RCAN1: variants seen among roughly 807,000 people sequenced by gnomAD.
RCAN1 encodes calcipressin-1.
RCAN1 carries 11 observed loss-of-function variants against 22.9 expected under a neutral mutation model. That is an observed-to-expected ratio of 0.48 (90% confidence interval 0.30 to 0.79). The LOEUF is 0.79. Among genes scored for constraint, RCAN1 ranks in the 30% least tolerant of loss-of-function variants. The pLI is 0.06. For synonymous variants in RCAN1, 136 were observed against 142.3 expected (o/e 0.96, Z 0.32); for missense variants, 291 against 337.8 (o/e 0.86, Z 1.09).
chr21:34,583,560 C>T (rs1789970272), intron 1 of RCAN1, among the ~76,000 whole-genome samples: 3 of 152,108 alleles, frequency 2.0e-5, no homozygotes, highest in African/African-American at 7.2e-5. Context: ...TAGGCATGTG[C>T]GTGCACAGAG....
Position 34,526,644 on chromosome 21 carries a change from G to A in RCAN1, c.253-2934C>T, listed in dbSNP as rs147745471. On this transcript the variant is annotated intron_variant, in intron 1 of 3. Coordinates refer to ENST00000313806, the MANE Select transcript of RCAN1 (RefSeq NM_004414.7). ...TGCTTTGAAAACTAAAGAAAATCAC[G>A]TTATATTAGAAGCCTTACCCTGGTT... 9.1e-4 allele frequency: 1,458 copies of A among 1,606,104 alleles called. 2 individuals carry two copies. Among genetic ancestry groups the A allele is most frequent in the African/African-American group, 6.3e-3 (469 of 74,528 alleles).
intron 1 of RCAN1, among the ~76,000 whole-genome samples, chr21:34,565,812 T>C (rs923001937): frequency 1.6e-4 from 25 of 152,216 alleles, no homozygotes; most frequent in African/African-American, 5.5e-4. Flanking sequence ...AGAGCTGGTA[T>C]ACCTTGTGAT....
At chr21:34,587,681 T>C (rs1987845825) in intron 1 of RCAN1, among the ~76,000 whole-genome samples, 1 of 152,170 alleles carries the variant, frequency 6.6e-6, no homozygotes, top group East Asian at 1.9e-4. Context: ...AAAAGTCAAA[T>C]GGAAATGTGA....
chr21:34,589,395 C>T (rs1353052248), intron 1 of RCAN1, among the ~76,000 whole-genome samples: 2 of 152,076 alleles, frequency 1.3e-5, no homozygotes, highest in Non-Finnish European at 2.9e-5. Flanking sequence ...ACTATCTTTA[C>T]AGGATTGGTA....
At chr21:34,530,626 T>TTTG (rs1555856754) in intron 1 of RCAN1, among the ~76,000 whole-genome samples, 7 of 127,634 alleles carry the variant, frequency 5.5e-5, no homozygotes, top group African/African-American at 2.2e-4. Context: ...GTTTTTTTTT[T>TTTG]TTTTTTTTTT....
chr21:34,524,946 G>C, intron 1 of RCAN1: 1 of 1,394,836 alleles, frequency 7.2e-7, no homozygotes, highest in Non-Finnish European at 9.5e-7. Context: ...CTAGTCGCCG[G>C]GTTTTGTGAA....
chr21:34,584,417 T>TAA (rs3216563), intron 1 of RCAN1, among the ~76,000 whole-genome samples: 2 of 150,432 alleles, frequency 1.3e-5, no homozygotes, highest in East Asian at 3.9e-4. Flanking sequence ...TCACCATGGT[T>TAA]AAAAAAAAAA....
chr21:34,614,305 G>A lies in RCAN1; in HGVS notation c.252+455C>T. On this transcript the variant is annotated intron_variant, in intron 1 of 3. Transcript: ENST00000313806. This position sits in a 1 kb window ranked among gnomAD's most constrained non-coding sequence, Gnocchi z 6.0. ...AAACATTGGCTTTTCTTCCAATAGT[G>A]CAGATTGGGAATGCAGGGACGTCGT... The A allele has an allele frequency of 1.0e-6, 1 of 990,898 alleles. No homozygotes were observed. The highest frequency in any genetic ancestry group is 1.2e-6 in the Non-Finnish European group (1 of 833,838). 61.4% of individuals were successfully genotyped at this position (990,898 alleles called of 1,614,324 possible).
At chr21:34,592,006 T>C (rs1279004200) in intron 1 of RCAN1, among the ~76,000 whole-genome samples, 1 of 152,178 alleles carries the variant, frequency 6.6e-6, no homozygotes. Flanking sequence ...TTAAGAAAGC[T>C]GGGGGGAAAG....
intron 1 of RCAN1, among the ~76,000 whole-genome samples, chr21:34,563,222 T>C (rs1986859787): frequency 6.6e-6 from 1 of 152,266 alleles, no homozygotes; most frequent in Non-Finnish European, 1.5e-5. Flanking sequence ...AAAACTCAAC[T>C]TGGGGCCAAT....
intron 1 of RCAN1, among the ~76,000 whole-genome samples, chr21:34,536,601 T>G (rs1285260540): frequency 6.6e-6 from 1 of 152,186 alleles, no homozygotes; most frequent in Non-Finnish European, 1.5e-5. Flanking sequence ...CAGCATTCCA[T>G]ACTCTCCTTA....
At chr21:34,530,716 C>T (rs1220628472) in intron 1 of RCAN1, among the ~76,000 whole-genome samples, 1 of 146,152 alleles carries the variant, frequency 6.8e-6, no homozygotes, top group Non-Finnish European at 1.5e-5. Flanking sequence ...CCTCTGCCTC[C>T]TGGGTTCAAG....
chr21:34,614,134 G>C lies in RCAN1; in HGVS notation c.252+626C>G, dbSNP rs1988755246. ...GACTCCCCATGTACTGGGTGTCCCCGATGGCGGCAAGCCACACCTTCACAC... is the reference window on the plus strand; with the variant it reads ...GACTCCCCATGTACTGGGTGTCCCCCATGGCGGCAAGCCACACCTTCACAC... On this transcript the variant is annotated intron_variant, in intron 1 of 3. Coordinates refer to ENST00000313806, the MANE Select transcript of RCAN1 (RefSeq NM_004414.7). This position sits in a 1 kb window ranked among gnomAD's most constrained non-coding sequence, Gnocchi z 6.0. 1 of 724,654 alleles carries C rather than the reference G, an allele frequency of 1.4e-6. No homozygotes were observed. Among genetic ancestry groups the C allele is most frequent in the Non-Finnish European group, 1.8e-6 (1 of 562,406 alleles). 44.9% of individuals were successfully genotyped at this position (724,654 alleles called of 1,614,324 possible). A position where few individuals can be genotyped will look rare whatever the true frequency, so the allele number is the denominator to read the frequency against.
intron 1 of RCAN1, among the ~76,000 whole-genome samples, chr21:34,538,474 A>AC (rs11369255): frequency 0.23 from 35,391 of 151,922 alleles, 4,843 homozygotes; most frequent in African/African-American, 0.38. Context: ...AACCACAGCT[A>AC]CTGCCAACTC....
chr21:34,586,206 G>A (rs772357316), intron 1 of RCAN1, among the ~76,000 whole-genome samples: 14 of 152,112 alleles, frequency 9.2e-5, no homozygotes, highest in African/African-American at 2.7e-4. Context: ...GTCTATATAC[G>A]TTGTTGTTAC....
At chr21:34,540,408 G>A (rs926707372) in intron 1 of RCAN1, among the ~76,000 whole-genome samples, 4 of 152,034 alleles carry the variant, frequency 2.6e-5, no homozygotes, top group African/African-American at 7.3e-5. Context: ...TGGGATTAAG[G>A]GCAGACTTCC....
intron 1 of RCAN1, among the ~76,000 whole-genome samples, chr21:34,556,429 A>AAAAAATAATAATAAT (rs139994182): frequency 2.7e-5 from 4 of 145,540 alleles, no homozygotes; most frequent in Non-Finnish European, 6.0e-5. Flanking sequence ...TTGTCTCAAA[A>AAAAAATAATAATAAT]AATAATAATA....
chr21:34,574,290 C>T (rs1424394048), intron 1 of RCAN1, among the ~76,000 whole-genome samples: 1 of 152,218 alleles, frequency 6.6e-6, no homozygotes, highest in Non-Finnish European at 1.5e-5. Flanking sequence ...ACAATGTCCA[C>T]TGGAGAAGTC....
intron 1 of RCAN1, among the ~76,000 whole-genome samples, chr21:34,584,646 G>T (rs1987729795): frequency 6.6e-6 from 1 of 152,190 alleles, no homozygotes; most frequent in African/African-American, 2.4e-5. Flanking sequence ...TGTAATTAGG[G>T]ACAGCCAGGG....
Sources: gnomAD v4.1 joint callset for allele counts (sites outside exome capture counted in the v4.1 genomes callset) on GRCh38, gnomAD v4.1.1 for gene constraint, Gnocchi (gnomAD v3.1) non-coding constraint, MANE v1.5 for transcripts, NCBI Gene and HGNC (gene_info 2026-07-23, HGNC 2026-07-21) for gene names.